The following CDH3 variants were observed in gnomAD, a reference collection of about 807,000 sequenced individuals.
CDH3 encodes cadherin-3.
CDH3 carries 54 observed loss-of-function variants against 82.0 expected under a neutral mutation model. The observed-to-expected ratio is 0.66, with a 90% confidence interval of 0.53 to 0.83. The LOEUF (loss-of-function observed/expected upper bound fraction) is 0.83, where lower values mean the gene tolerates loss of function less well. CDH3 is among the 40% of genes least tolerant of loss of function. The probability of loss-of-function intolerance (pLI) is 0.00; values close to 1 mark genes in which losing one functional copy is unlikely to be tolerated. For missense variants in CDH3, 1,054 were observed against 1,084.6 expected, an observed-to-expected ratio of 0.97 and a Z score of 0.40; for synonymous variants, 446 against 437.9, an observed-to-expected ratio of 1.02 and a Z score of -0.23.
intron 3 of CDH3, among the ~76,000 whole-genome samples, chr16:68,676,779 T>C (rs1961046104): frequency 6.6e-6 from 1 of 152,180 alleles, no homozygotes. Context: ...CCTTCCCTTA[T>C]CATCCATGTT....
intron 2 of CDH3, among the ~76,000 whole-genome samples, chr16:68,660,917 C>A (rs1960554752): frequency 6.6e-6 from 1 of 151,162 alleles, no homozygotes; most frequent in Admixed American, 6.6e-5. Context: ...CGAGATCCCG[C>A]CACTGCACCC....
downstream of CDH3, among the ~76,000 whole-genome samples, chr16:68,731,120 TA>T (rs1962281885): frequency 8.4e-6 from 1 of 118,580 alleles, no homozygotes; most frequent in South Asian, 2.6e-4. Context: ...TATATAATTA[TA>T]AAAAATAATT....
Position 68,691,855 on chromosome 16 carries a change from T to C in CDH3, c.1931T>C (p.Val644Ala). 5 of 1,614,136 alleles carry C rather than the reference T, an allele frequency of 3.1e-6. No individual in the cohort carries two copies. Among genetic ancestry groups the C allele is most frequent in the Non-Finnish European group, 4.2e-6 (5 of 1,180,018 alleles). Reference sequence around the variant, plus strand: ...ACTGTGTGCGACTGCCATGGCCATGTCGAAACCTGCCCTGGACCCTGGAAG... The same window carrying C: ...ACTGTGTGCGACTGCCATGGCCATGCCGAAACCTGCCCTGGACCCTGGAAG... ...RATVCDCHGH[V>A]ETCPGPWKGG... Residue 644 changes from valine to alanine, a missense_variant, in exon 13 of 16, where the codon GTC becomes GCC. Physicochemically the swap from Val to Ala is moderately conservative, Grantham distance 64. Coordinates refer to ENST00000264012, the MANE Select transcript of CDH3 (RefSeq NM_001793.6).
At chr16:68,732,660 G>C in the CDH3 span, among the ~76,000 whole-genome samples, 1 of 152,172 alleles carries the variant, frequency 6.6e-6, no homozygotes, top group Non-Finnish European at 1.5e-5. Flanking sequence ...TCAACTCCTG[G>C]AGTTTGGGTT....
intron 1 of CDH3, among the ~76,000 whole-genome samples, chr16:68,709,185 C>G (rs1411695549): frequency 6.6e-6 from 1 of 152,144 alleles, no homozygotes; most frequent in Non-Finnish European, 1.5e-5. Context: ...AAGCAATCCT[C>G]CCACCTCAGC....
intron 2 of CDH3, among the ~76,000 whole-genome samples, chr16:68,660,285 A>G (rs1051364219): frequency 1.3e-5 from 2 of 152,206 alleles, no homozygotes; most frequent in Admixed American, 6.5e-5. Context: ...CTTTTGTTTT[A>G]TGACTATCTA....
downstream of CDH3, among the ~76,000 whole-genome samples, chr16:68,731,453 TATATACACATATATATATACACACACAC>T (rs1962291185): frequency 1.7e-4 from 2 of 11,742 alleles, no homozygotes; most frequent in Non-Finnish European, 4.0e-4. Context: ...CACACACACG[TATATACACATATATATATACACACACAC>T]GTATATACAC....
chr16:68,729,925 C>T (rs1024671057), downstream of CDH3, among the ~76,000 whole-genome samples: 1 of 152,134 alleles, frequency 6.6e-6, no homozygotes, highest in Non-Finnish European at 1.5e-5. Flanking sequence ...TGAGCCATCA[C>T]GCCCAACCCA....
downstream of CDH3, among the ~76,000 whole-genome samples, chr16:68,729,029 G>C (rs1182539280): frequency 6.6e-6 from 1 of 152,180 alleles, no homozygotes; most frequent in Non-Finnish European, 1.5e-5. Flanking sequence ...GCAGGGCTGG[G>C]CACAGTGGCT....
Position 68,686,674 on chromosome 16 carries a change from G to A in CDH3, c.1571-838G>A, listed in dbSNP as rs1394848731. 1.9e-5 allele frequency: 15 copies of A among 807,590 alleles called. No homozygotes were observed. In the Admixed American group the frequency reaches 2.2e-4, roughly 12 times the overall value. The allele number at this position is 807,590 out of a possible 1,614,324, so 50.0% of individuals were successfully genotyped here. A position where few individuals can be genotyped will look rare whatever the true frequency, so the allele number is the denominator to read the frequency against. Reference sequence around the variant, plus strand: ...TTAGGGATGGTGACATTCTTGGAAAGTACGTAGACTGAAATAAGTCACTAT... The same window carrying A: ...TTAGGGATGGTGACATTCTTGGAAAATACGTAGACTGAAATAAGTCACTAT... On this transcript the variant is annotated intron_variant, in intron 11 of 15. Transcript: ENST00000264012.
intron 1 of CDH3, among the ~76,000 whole-genome samples, chr16:68,721,303 G>A (rs1169158284): frequency 1.4e-5 from 2 of 141,446 alleles, no homozygotes; most frequent in African/African-American, 5.3e-5. Flanking sequence ...GCACGATCTC[G>A]GCTCACTGCA....
chr16:68,653,078 T>G (rs2152090421), intron 2 of CDH3, among the ~76,000 whole-genome samples: 1 of 152,248 alleles, frequency 6.6e-6, no homozygotes, highest in African/African-American at 2.4e-5. Flanking sequence ...GACTGAGATA[T>G]CAGCTCCTCT....
At chr16:68,678,395 C>T (rs990577321) in intron 4 of CDH3, 106 bp from the exon 5 acceptor site, 2 of 1,577,702 alleles carry the variant, frequency 1.3e-6, no homozygotes, top group African/African-American at 2.7e-5. Context: ...CTCTCCTGTT[C>T]AGTGAGCAGA....
chr16:68,730,533 AAAAC>A (rs1040350657), downstream of CDH3, among the ~76,000 whole-genome samples: 10 of 152,192 alleles, frequency 6.6e-5, no homozygotes, highest in African/African-American at 2.2e-4. Context: ...CTCAAAAACA[AAAAC>A]AAACAAACAA....
intron 2 of CDH3, among the ~76,000 whole-genome samples, chr16:68,727,117 T>C (rs774515711): frequency 5.9e-5 from 9 of 152,130 alleles, no homozygotes; most frequent in Non-Finnish European, 1.0e-4. Flanking sequence ...GCAGGAAAGG[T>C]GAATTCACTC....
intron 2 of CDH3, chr16:68,646,302 C>T (rs999776649): frequency 6.5e-6 from 1 of 154,822 alleles, no homozygotes; most frequent in Non-Finnish European, 1.4e-5. Context: ...GCCCTTGTAG[C>T]CTGCCTGGAA....
chr16:68,695,840 G>A lies in CDH3; in HGVS notation c.2197G>A (p.Asp733Asn). ...CAGGCCGGAGGTGGTTCTCCGCAATGACGTGGCACCAACCATCATCCCGAC... is the reference window on the plus strand; with the variant it reads ...CAGGCCGGAGGTGGTTCTCCGCAATAACGTGGCACCAACCATCATCCCGAC... ...EARPEVVLRN[D>N]VAPTIIPTPM... Residue 733 changes from aspartate to asparagine, a missense_variant, in exon 15 of 16, where the codon GAC becomes AAC. Physicochemically the swap from Asp to Asn is conservative, Grantham distance 23. Transcript: ENST00000264012. The A allele has an allele frequency of 1.2e-6, 2 of 1,614,104 alleles. No individual in the cohort carries two copies. The highest frequency in any genetic ancestry group is 1.7e-6 in the Non-Finnish European group (2 of 1,179,998).
chr16:68,727,753 A>T (rs577868524), downstream of CDH3, among the ~76,000 whole-genome samples: 6 of 152,022 alleles, frequency 3.9e-5, no homozygotes, highest in Non-Finnish European at 7.4e-5. Context: ...TACTAAAAAT[A>T]AAAAAATTAG....
At chr16:68,662,646 A>G (rs1199033689) in intron 2 of CDH3, among the ~76,000 whole-genome samples, 11 of 144,576 alleles carry the variant, frequency 7.6e-5, no homozygotes, top group Non-Finnish European at 1.0e-4. Flanking sequence ...CCGGGTTCAC[A>G]CCATTCTCCT....
Sources: gnomAD v4.1 joint callset for allele counts (sites outside exome capture counted in the v4.1 genomes callset) on GRCh38, gnomAD v4.1.1 for gene constraint, MANE v1.5 for transcripts, NCBI Gene and HGNC (gene_info 2026-07-23, HGNC 2026-07-21) for gene names.